Variants in FRS2 observed in about 807,000 individuals in gnomAD.
FRS2 encodes the protein fibroblast growth factor receptor substrate 2.
FRS2 carries 8 observed loss-of-function variants against 43.9 expected under a neutral mutation model. That is an observed-to-expected ratio of 0.18 (90% confidence interval 0.11 to 0.33). The LOEUF (loss-of-function observed/expected upper bound fraction) is 0.33, where lower values mean the gene tolerates loss of function less well. FRS2 is among the 10% of genes least tolerant of loss of function. FRS2 has a pLI of 1.00. For synonymous variants in FRS2, 219 were observed against 220.3 expected, an observed-to-expected ratio of 0.99 and a Z score of 0.05; for missense variants, 534 against 627.6, an observed-to-expected ratio of 0.85 and a Z score of 1.59.
rs150178922 is a variant in FRS2 at position 69,497,224 on chromosome 12, G to T, written c.-261+26694G>T. 2.0e-4 allele frequency among the ~76,000 whole-genome samples: 31 copies of T among 152,338 alleles called. No individual in the cohort carries two copies. The East Asian group carries it at 4.0e-3, about 20-fold the overall frequency. On this transcript the variant is annotated intron_variant, in intron 1 of 8. Coordinates refer to ENST00000549921, the MANE Select transcript of FRS2 (RefSeq NM_001278356.2). ...ATATAATTCATTGGTGGTAATAAGCGCTATGAAGAAAGAGTTGGTGAAAGG... is the reference window on the plus strand; with the variant it reads ...ATATAATTCATTGGTGGTAATAAGCTCTATGAAGAAAGAGTTGGTGAAAGG...
chr12:69,483,154 A>T (rs1021636592), intron 1 of FRS2, among the ~76,000 whole-genome samples: 1 of 152,254 alleles, frequency 6.6e-6, no homozygotes, highest in Non-Finnish European at 1.5e-5. Flanking sequence ...TGACATCAAT[A>T]CATTACTGTT....
intron 3 of FRS2, among the ~76,000 whole-genome samples, chr12:69,541,824 CAAAAAAAAAAA>C (rs10605112): frequency 1.1e-5 from 1 of 90,852 alleles, no homozygotes; most frequent in Non-Finnish European, 2.2e-5. Context: ...GACCCTGTCT[CAAAAAAAAAAA>C]AAAAAAAAAA....
In FRS2 at chr12:69,489,816, G is replaced by GTT. The variant is rs35733726; in HGVS notation, c.-261+19296_-261+19297dup. 9.7e-3 allele frequency among the ~76,000 whole-genome samples: 1,409 copies of GTT among 144,750 alleles called. 26 individuals are homozygous for GTT. The highest frequency in any genetic ancestry group is 0.032 in the African/African-American group (1,273 of 39,360). 95.0% of individuals were successfully genotyped at this position (144,750 alleles called of 152,430 possible). A position where few individuals can be genotyped will look rare whatever the true frequency, so the allele number is the denominator to read the frequency against. On this transcript the variant is annotated intron_variant, in intron 1 of 8. Transcript: ENST00000549921. ...CTGTACCTTTTGTGAAGTTTTTGGG[G>GTT]TTTTTTTTTTTGGCTTTTCTGGGGG...
intron 3 of FRS2, among the ~76,000 whole-genome samples, chr12:69,536,101 CTTTTTTTTTTTTT>C (rs71094720): frequency 2.7e-5 from 1 of 37,216 alleles, no homozygotes; most frequent in Admixed American, 4.0e-4. Flanking sequence ...TATTTTCATT[CTTTTTTTTTTTTT>C]TTTTTTTTTT....
intron 5 of FRS2, among the ~76,000 whole-genome samples, chr12:69,569,386 TC>T (rs1880563703): frequency 6.6e-6 from 1 of 152,270 alleles, no homozygotes; most frequent in South Asian, 2.1e-4. Flanking sequence ...TATCTGTCTT[TC>T]AGTTATTATT....
At chr12:69,475,819 C>G (rs1383182023) in intron 1 of FRS2, among the ~76,000 whole-genome samples, 1 of 152,106 alleles carries the variant, frequency 6.6e-6, no homozygotes, top group Admixed American at 6.5e-5. Context: ...AGTGTCAGTT[C>G]ATGACAGAGT....
chr12:69,544,950 G>T (rs1878241661), intron 3 of FRS2, among the ~76,000 whole-genome samples: 1 of 151,982 alleles, frequency 6.6e-6, no homozygotes, highest in Non-Finnish European at 1.5e-5. Context: ...GAAGTAAAGT[G>T]GTCTCTGTTT....
At chr12:69,477,990 C>T (rs1458963078) in intron 1 of FRS2, among the ~76,000 whole-genome samples, 5 of 151,912 alleles carry the variant, frequency 3.3e-5, no homozygotes. Context: ...ATCCGCCCAC[C>T]TCGGCCTCCC....
In FRS2 at chr12:69,574,268, A is replaced by G. The variant is rs1179095770; in HGVS notation, c.840A>G (p.Gly280=). ...GAAGAGATCAAGTTAGTGGAAGTGGAGCAAATAACACAGAATGGGACACTG... is the reference window on the plus strand; with the variant it reads ...GAAGAGATCAAGTTAGTGGAAGTGGGGCAAATAACACAGAATGGGACACTG... ...QLGRDQVSGS[G]ANNTEWDTGY... is the part of the protein sequence containing the mutation. Residue 280 remains glycine, a synonymous_variant, in exon 9 of 9, where the codon GGA becomes GGG. Transcript: ENST00000549921. 1 of 1,614,114 alleles carries G rather than the reference A, an allele frequency of 6.2e-7. No individual in the cohort carries two copies. The highest frequency in any genetic ancestry group is 8.5e-7 in the Non-Finnish European group (1 of 1,180,030).
chr12:69,545,773 A>C (rs7314767), intron 3 of FRS2, among the ~76,000 whole-genome samples: 3,042 of 141,748 alleles, frequency 0.021, 107 homozygotes, highest in African/African-American at 0.073. Flanking sequence ...AAAAAAAAAA[A>C]AAAAACAAAA....
intron 1 of FRS2, among the ~76,000 whole-genome samples, chr12:69,516,417 C>T (rs1345966917): frequency 6.6e-6 from 1 of 151,920 alleles, no homozygotes; most frequent in Non-Finnish European, 1.5e-5. Flanking sequence ...GGGGTTTCTC[C>T]ATGTTGGTCA....
At chr12:69,484,581 C>G (rs1258008275) in intron 1 of FRS2, among the ~76,000 whole-genome samples, 2 of 152,194 alleles carry the variant, frequency 1.3e-5, no homozygotes, top group Non-Finnish European at 2.9e-5. Flanking sequence ...TGTCTGCTCC[C>G]TGTTCAAAGA....
At position 69,575,491 on chromosome 12, in the gene FRS2, T is replaced by TA. The variant is rs1881131566; in HGVS notation, c.*537dup. On this transcript the variant is annotated 3_prime_UTR_variant, in exon 9 of 9. Coordinates refer to ENST00000549921, the MANE Select transcript of FRS2 (RefSeq NM_001278356.2). ...GAAACAGAAGTACCGCACCTCCTCTTACACCAGTCAGCTCCTTTGCCTTCA... is the reference window on the plus strand; with the variant it reads ...GAAACAGAAGTACCGCACCTCCTCTTAACACCAGTCAGCTCCTTTGCCTTCA... 3 of 153,308 alleles carry TA rather than the reference T, an allele frequency of 2.0e-5. No individual in the cohort carries two copies. In the South Asian group the frequency reaches 6.2e-4, roughly 32 times the overall value. The allele number at this position is 153,308 out of a possible 1,614,324, so 9.5% of individuals were successfully genotyped here.
At chr12:69,486,319 A>G (rs567650417) in intron 1 of FRS2, 5 of 152,028 alleles carry the variant, frequency 3.3e-5, no homozygotes, top group African/African-American at 1.2e-4. Context: ...AGTATTTCAA[A>G]CTTTTTATCA....
At position 69,576,828 on chromosome 12, in the gene FRS2, A is replaced by G. The variant is rs551216053; in HGVS notation, c.*1873A>G. 10 of 152,570 alleles carry G rather than the reference A, an allele frequency of 6.6e-5. No individual in the cohort carries two copies. Among genetic ancestry groups the G allele is most frequent in the Non-Finnish European group, 1.3e-4 (9 of 68,024 alleles). The allele number at this position is 152,570 out of a possible 1,614,324, so 9.5% of individuals were successfully genotyped here. A position where few individuals can be genotyped will look rare whatever the true frequency, so the allele number is the denominator to read the frequency against. ...TTGTTCCCCTGTGAACTTGGTGCTT[A>G]TTAAAGTGCTCACTGTTCTCTTAAA... On this transcript the variant is annotated 3_prime_UTR_variant, in exon 9 of 9. Coordinates refer to ENST00000549921, the MANE Select transcript of FRS2 (RefSeq NM_001278356.2).
intron 3 of FRS2, among the ~76,000 whole-genome samples, chr12:69,539,701 C>A (rs538087295): frequency 1.3e-5 from 2 of 152,130 alleles, no homozygotes; most frequent in East Asian, 3.9e-4. Flanking sequence ...AAGAAATAGA[C>A]AAGATCCACT....
chr12:69,508,336 G>A (rs955811788), intron 1 of FRS2, among the ~76,000 whole-genome samples: 4 of 152,044 alleles, frequency 2.6e-5, no homozygotes, highest in Non-Finnish European at 2.9e-5. Context: ...GAGAAAATAC[G>A]GCATTTAAGG....
At chr12:69,508,633 T>C (rs1221012646) in intron 1 of FRS2, among the ~76,000 whole-genome samples, 1 of 152,236 alleles carries the variant, frequency 6.6e-6, no homozygotes, top group East Asian at 1.9e-4. Context: ...GTTTAAAAAG[T>C]CAAATTGTAT....
intron 1 of FRS2, among the ~76,000 whole-genome samples, chr12:69,527,343 A>ATTTTTTTTT (rs1166365306): frequency 0.014 from 1,142 of 84,212 alleles, 85 homozygotes; most frequent in African/African-American, 0.035. Flanking sequence ...TTTTTTAATG[A>ATTTTTTTTT]TTTTTTTTTT....
Sources: allele counts gnomAD v4.1 joint callset (sites outside exome capture counted in the v4.1 genomes callset), GRCh38; gene constraint gnomAD v4.1.1; transcripts MANE v1.5; gene names NCBI Gene and HGNC (gene_info 2026-07-23, HGNC 2026-07-21).